Variants in ERCC3 observed in about 807,000 individuals in gnomAD.
The protein encoded by ERCC3 is ERCC excision repair 3, TFIIH core complex helicase subunit.
ERCC3 carries 66 observed loss-of-function variants against 94.2 expected under a neutral mutation model. The ratio of observed to expected loss-of-function variants is 0.70; its 90% CI spans 0.57 to 0.86. The LOEUF is 0.86. ERCC3 is among the 40% of genes least tolerant of loss of function. The probability of loss-of-function intolerance (pLI) is 0.00; values close to 1 mark genes in which losing one functional copy is unlikely to be tolerated. For missense variants in ERCC3, 829 were observed against 987.1 expected (o/e 0.84, Z 2.15); for synonymous variants, 349 against 369.1 (o/e 0.95, Z 0.63).
chr2:127,294,144 T>TG (rs1685386752), upstream of ERCC3: 4 of 1,576,414 alleles, frequency 2.5e-6, no homozygotes, highest in Non-Finnish European at 3.4e-6. Context: ...GCATCCGCTC[T>TG]GGGGGGACTT....
In ERCC3 at chr2:127,270,919, G is replaced by A. The variant is rs4150501; in HGVS notation, c.1945+417C>T. Among the ~76,000 whole-genome samples the A allele has an allele frequency of 8.4e-3, 1,279 of 152,326 alleles. 21 individuals carry two copies. The highest frequency in any genetic ancestry group is 0.029 in the African/African-American group (1,219 of 41,578). Reference sequence around the variant, plus strand: ...GTTATGAATGACGTGCCCATTGTGTGTCTGCCCAAGCTGCTCCTACCAAAC... The same window carrying A: ...GTTATGAATGACGTGCCCATTGTGTATCTGCCCAAGCTGCTCCTACCAAAC... On this transcript the variant is annotated intron_variant, in intron 12 of 14. Transcript: ENST00000285398.
rs1303099207 is a variant in ERCC3, at chr2:127,261,220, A to T, written c.2064+8T>A. 1.4e-5 allele frequency: 22 copies of T among 1,551,038 alleles called. No homozygotes were observed. Among genetic ancestry groups the T allele is most frequent in the Non-Finnish European group, 1.9e-5 (21 of 1,122,482 alleles). On this transcript the variant is annotated splice_region_variant and intron_variant, in intron 13 of 14. Transcript: ENST00000285398. ...CCTAGTCTAACCAGAAGCCAAATGG[A>T]TATGTACCTTGAAGCTATAACCTTG... is the stretch of plus-strand genomic sequence containing the variant.
At chr2:127,272,010 T>C (rs1190570081) in intron 11 of ERCC3, among the ~76,000 whole-genome samples, 12 of 107,336 alleles carry the variant, frequency 1.1e-4, no homozygotes, top group South Asian at 3.3e-4. Flanking sequence ...CTCATTTCTT[T>C]TTTTTTTTTT....
In ERCC3 at chr2:127,278,903, TG is replaced by T. The variant is rs547951103; in HGVS notation, c.1730+269del. 5.9e-5 allele frequency among the ~76,000 whole-genome samples: 9 copies of T among 152,294 alleles called. No individual in the cohort carries two copies. In the South Asian group the frequency reaches 1.9e-3, roughly 32 times the overall value. ...CCACCTTTGGAGCCCAGATCTTCCATGGGGCCCCACCCAGCTCAGTCCAAGT... is the reference window on the plus strand; with the variant it reads ...CCACCTTTGGAGCCCAGATCTTCCATGGGCCCCACCCAGCTCAGTCCAAGT... On this transcript the variant is annotated intron_variant, in intron 10 of 14. Coordinates refer to ENST00000285398, the MANE Select transcript of ERCC3 (RefSeq NM_000122.2).
intron 8 of ERCC3, among the ~76,000 whole-genome samples, chr2:127,282,446 T>C (rs889636817): frequency 3.3e-5 from 5 of 152,182 alleles, no homozygotes; most frequent in Non-Finnish European, 7.3e-5. Flanking sequence ...ACTGGCACAG[T>C]ACCTAGCACA....
intron 8 of ERCC3, among the ~76,000 whole-genome samples, chr2:127,282,970 A>C (rs535556114): frequency 1.7e-3 from 254 of 152,296 alleles, no homozygotes; most frequent in African/African-American, 5.9e-3. Flanking sequence ...GAATGCCTCA[A>C]GCCCTGAACA....
chr2:127,268,111 GC>G (rs1312000335), intron 12 of ERCC3, among the ~76,000 whole-genome samples: 2 of 151,706 alleles, frequency 1.3e-5, no homozygotes, highest in African/African-American at 4.8e-5. Flanking sequence ...CTGCCACCAC[GC>G]CCGGCTAATT....
At chr2:127,262,882 G>A (rs932889090) in intron 12 of ERCC3, 1 of 152,148 alleles carries the variant, frequency 6.6e-6, no homozygotes, top group Non-Finnish European at 1.5e-5. Flanking sequence ...CATACAGTTA[G>A]CCAGTTTCCC....
Position 127,286,853 on chromosome 2 carries a change from C to T in ERCC3, c.1192G>A (p.Asp398Asn), listed in dbSNP as rs1685085174. Residue 398 changes from aspartate (D) to asparagine (N), a missense_variant, in exon 8 of 15, where the codon GAC becomes AAC. By Grantham distance (23) the Asp-to-Asn change is conservative. Coordinates refer to ENST00000285398, the MANE Select transcript of ERCC3 (RefSeq NM_000122.2). Reference protein sequence around the residue: ...QICRFTSDAKDKPIGCSVAIS... With the variant: ...QICRFTSDAKNKPIGCSVAIS... ...GCAACGGAGCAGCCGATGGGCTTGTCCTTGGCATCGGAGGTGAACCGGCAG... is the reference window on the plus strand; with the variant it reads ...GCAACGGAGCAGCCGATGGGCTTGTTCTTGGCATCGGAGGTGAACCGGCAG... 6.2e-7 allele frequency: 1 copy of T among 1,614,066 alleles called. No homozygotes were observed.
intron 1 of ERCC3, 21 bp downstream of exon 1, chr2:127,294,033 C>T (rs752040903): frequency 6.2e-7 from 1 of 1,603,172 alleles, no homozygotes; most frequent in Non-Finnish European, 8.5e-7. Context: ...CGTGGCTGAG[C>T]GTGCCCGCGC....
intron 12 of ERCC3, among the ~76,000 whole-genome samples, chr2:127,266,327 TTGAG>T (rs965385534): frequency 1.5e-5 from 2 of 134,634 alleles, no homozygotes; most frequent in African/African-American, 5.6e-5. Flanking sequence ...TTTGAATTTA[TTGAG>T]TCTTTTTTTT....
chr2:127,268,774 T>C (rs1684459395), intron 12 of ERCC3, among the ~76,000 whole-genome samples: 1 of 152,220 alleles, frequency 6.6e-6, no homozygotes, highest in African/African-American at 2.4e-5. Context: ...GGAAGAGTCA[T>C]TCTCACCCTC....
chr2:127,280,881 A>G lies in ERCC3; in HGVS notation c.1343-250T>C, dbSNP rs1224213776. Reference sequence around the variant, plus strand: ...CTGTGCAACTTAACACTGGCTTATGACACCACCTGAACTAACCCTTGGGTT... The same window carrying G: ...CTGTGCAACTTAACACTGGCTTATGGCACCACCTGAACTAACCCTTGGGTT... On this transcript the variant is annotated intron_variant, in intron 8 of 14. Coordinates refer to ENST00000285398, the MANE Select transcript of ERCC3 (RefSeq NM_000122.2). The surrounding 1 kb of genome is among the most constrained non-coding windows in gnomAD (Gnocchi z 6.3). 2.7e-5 allele frequency: 15 copies of G among 552,030 alleles called. No homozygotes were observed. The highest frequency in any genetic ancestry group is 3.2e-5 in the Non-Finnish European group (10 of 314,514). 34.2% of individuals were successfully genotyped at this position (552,030 alleles called of 1,614,324 possible).
intron 12 of ERCC3, among the ~76,000 whole-genome samples, chr2:127,263,433 C>A (rs1479684743): frequency 6.6e-6 from 1 of 152,140 alleles, no homozygotes; most frequent in African/African-American, 2.4e-5. Flanking sequence ...TTGAATGTTA[C>A]TGGTGTATAG....
chr2:127,260,487 A>C (rs3738948), intron 13 of ERCC3: 2 of 152,222 alleles, frequency 1.3e-5, no homozygotes, highest in Non-Finnish European at 2.9e-5. Context: ...AGAGGTCTGA[A>C]GTGTCACTGC....
Position 127,292,864 on chromosome 2 carries a change from G to A in ERCC3, c.235-18C>T, listed in dbSNP as rs1405997413. Reference sequence around the variant, plus strand: ...TCGGGAGCCTGAGAGATACCAAATGGACAAAACAGACAAGGAAACATGAGT... The same window carrying A: ...TCGGGAGCCTGAGAGATACCAAATGAACAAAACAGACAAGGAAACATGAGT... On this transcript the variant is annotated intron_variant, in intron 2 of 14. Transcript: ENST00000285398. 9 of 1,480,576 alleles carry A rather than the reference G, an allele frequency of 6.1e-6. No individual in the cohort carries two copies. The highest frequency in any genetic ancestry group is 8.5e-6 in the Non-Finnish European group (9 of 1,061,170). 91.7% of individuals were successfully genotyped at this position (1,480,576 alleles called of 1,614,324 possible). A position where few individuals can be genotyped will look rare whatever the true frequency, so the allele number is the denominator to read the frequency against.
chr2:127,273,027 A>AG, intron 10 of ERCC3, 66 bp from the exon 11 acceptor site: 1 of 1,015,498 alleles, frequency 9.8e-7, no homozygotes, highest in South Asian at 1.3e-5. Context: ...AACACATCAG[A>AG]GGGAAAAAGG....
At chr2:127,292,993 T>A (rs1388505943) in intron 2 of ERCC3, 147 bp from the exon 3 acceptor site, 1 of 677,316 alleles carries the variant, frequency 1.5e-6, no homozygotes, top group Non-Finnish European at 2.6e-6. Context: ...CTGTGGGGCC[T>A]GTTACATTAA....
At chr2:127,263,626 G>A (rs1381529867) in intron 12 of ERCC3, among the ~76,000 whole-genome samples, 1 of 151,494 alleles carries the variant, frequency 6.6e-6, no homozygotes, top group African/African-American at 2.4e-5. Flanking sequence ...TCTTTATCTT[G>A]CTAGACTGGT....
Sources: allele counts gnomAD v4.1 joint callset (sites outside exome capture counted in the v4.1 genomes callset), GRCh38; gene constraint gnomAD v4.1.1; non-coding constraint Gnocchi (gnomAD v3.1); transcripts MANE v1.5; gene names NCBI Gene and HGNC (gene_info 2026-07-23, HGNC 2026-07-21).